Variants in KLF8 observed in about 807,000 individuals in gnomAD.
KLF8 encodes the protein Krueppel-like factor 8.
In KLF8, 10 loss-of-function variants were observed where a neutral mutation model predicts 18.2. The ratio of observed to expected loss-of-function variants is 0.55; its 90% confidence interval spans 0.34 to 0.93. KLF8 has a LOEUF of 0.93. Among genes scored for constraint, KLF8 ranks in the 40% least tolerant of loss-of-function variants. KLF8 has a pLI of 0.02. For missense variants in KLF8, 264 were observed against 277.9 expected (o/e 0.95, Z 0.36); for synonymous variants, 109 against 97.3 (o/e 1.12, Z -0.71).
chrX:56,032,028 G>A, the KLF8 span, among the ~76,000 whole-genome samples: 1 of 111,106 alleles, frequency 9.0e-6, no homozygotes, highest in Admixed American at 9.5e-5. Flanking sequence ...TCGGTTGCTA[G>A]GTCATGGGTT....
the KLF8 span, among the ~76,000 whole-genome samples, chrX:55,979,505 C>T: frequency 8.9e-6 from 1 of 111,848 alleles, no homozygotes; most frequent in Non-Finnish European, 1.9e-5. Flanking sequence ...GGGAGGATGC[C>T]AAATCACAGA....
chrX:56,189,988 T>G, the KLF8 span, among the ~76,000 whole-genome samples: 1 of 108,219 alleles, frequency 9.2e-6, no homozygotes, highest in Non-Finnish European at 1.9e-5. Context: ...ACCTGCACAT[T>G]GTGCACATGT....
chrX:56,048,378 T>C, the KLF8 span, among the ~76,000 whole-genome samples: 1 of 112,122 alleles, frequency 8.9e-6, no homozygotes, highest in Non-Finnish European at 1.9e-5. Context: ...CTCAGTTTTC[T>C]TCTAGGGTTT....
At position 56,265,470 on chromosome X, in the gene KLF8, G is replaced by A. The variant is rs151194413; in HGVS notation, c.372G>A (p.Thr124=). The change falls in exon 3 of 6, where the codon ACG becomes ACA. Residue 124 remains threonine, a synonymous_variant. Transcript: ENST00000468660. ...QSSPQTLVVS[T]STSDMSTSAN... Reference sequence around the variant, plus strand: ...CTCCCCAGACCCTTGTGGTGTCCACGTCAACATCTGACATGAGCACTTCAG... The same window carrying A: ...CTCCCCAGACCCTTGTGGTGTCCACATCAACATCTGACATGAGCACTTCAG... The A allele has an allele frequency of 1.2e-5, 14 of 1,210,170 alleles. No individual in the cohort carries two copies. The highest frequency in any genetic ancestry group is 1.0e-4 in the African/African-American group (6 of 57,224).
At chrX:56,026,625 G>A in the KLF8 span, among the ~76,000 whole-genome samples, 4 of 111,808 alleles carry the variant, frequency 3.6e-5, no homozygotes, top group Admixed American at 9.5e-5. Context: ...AGGTCGGTAG[G>A]CAGCATGTAA....
At chrX:55,950,723 T>G in the KLF8 span, among the ~76,000 whole-genome samples, 1 of 111,735 alleles carries the variant, frequency 8.9e-6, no homozygotes, top group Non-Finnish European at 1.9e-5. Flanking sequence ...ACTTTGAACC[T>G]CTCTTATGGC....
At chrX:56,083,513 A>G in the KLF8 span, among the ~76,000 whole-genome samples, 1 of 112,207 alleles carries the variant, frequency 8.9e-6, no homozygotes, top group Non-Finnish European at 1.9e-5. Flanking sequence ...TCTCATAGCA[A>G]TAGTAGCAGA....
At chrX:55,947,820 G>A in the KLF8 span, among the ~76,000 whole-genome samples, 4 of 111,414 alleles carry the variant, frequency 3.6e-5, no homozygotes, top group Non-Finnish European at 7.5e-5. Context: ...TATAAGTCAT[G>A]CCCCAATATT....
the KLF8 span, among the ~76,000 whole-genome samples, chrX:56,150,679 C>T: frequency 9.1e-6 from 1 of 110,493 alleles, no homozygotes; most frequent in Non-Finnish European, 1.9e-5. Flanking sequence ...CTCCTGGCTG[C>T]CCTCCTATCC....
At chrX:56,028,925 G>A in the KLF8 span, among the ~76,000 whole-genome samples, 47 of 111,296 alleles carry the variant, frequency 4.2e-4, no homozygotes, top group African/African-American at 1.5e-3. Flanking sequence ...TCCTGTACGG[G>A]CCGATAGTCC....
At chrX:56,191,756 G>A in the KLF8 span, among the ~76,000 whole-genome samples, 1 of 110,955 alleles carries the variant, frequency 9.0e-6, no homozygotes, top group South Asian at 3.8e-4. Context: ...TGCTAAAAAT[G>A]CATTTAATAA....
chrX:56,021,469 C>G, the KLF8 span, among the ~76,000 whole-genome samples: 1 of 111,187 alleles, frequency 9.0e-6, no homozygotes, highest in Non-Finnish European at 1.9e-5. Flanking sequence ...TATGTGCACA[C>G]CCGTTTCTGT....
chrX:56,214,872 C>A, the KLF8 span, among the ~76,000 whole-genome samples: 3 of 112,464 alleles, frequency 2.7e-5, no homozygotes, highest in African/African-American at 6.4e-5. Flanking sequence ...AAACTATTAA[C>A]CACTACCTCA....
the KLF8 span, among the ~76,000 whole-genome samples, chrX:55,955,425 C>A: frequency 2.7e-5 from 3 of 110,638 alleles, no homozygotes; most frequent in Non-Finnish European, 5.7e-5. Context: ...TTTTACTGTA[C>A]GTGTGATGAT....
chrX:55,949,042 T>C, the KLF8 span, among the ~76,000 whole-genome samples: 1 of 112,181 alleles, frequency 8.9e-6, no homozygotes, highest in Non-Finnish European at 1.9e-5. Flanking sequence ...AAATAAATTA[T>C]CTTCTATGAT....
At chrX:56,084,243 C>T in the KLF8 span, among the ~76,000 whole-genome samples, 1 of 110,281 alleles carries the variant, frequency 9.1e-6, no homozygotes, top group Non-Finnish European at 1.9e-5. Context: ...AATGGCCAAG[C>T]GTGGTGGCAC....
At chrX:55,961,249 C>A in the KLF8 span, 1 of 322,431 alleles carries the variant, frequency 3.1e-6, no homozygotes. Context: ...CCAGGATCCC[C>A]ACTGCCTTCC....
the KLF8 span, among the ~76,000 whole-genome samples, chrX:56,151,767 G>T: frequency 9.0e-6 from 1 of 111,022 alleles, no homozygotes; most frequent in Non-Finnish European, 1.9e-5. Flanking sequence ...ATATAAATGT[G>T]AATACAGTGT....
At chrX:55,942,754 A>G in the KLF8 span, among the ~76,000 whole-genome samples, 1 of 111,994 alleles carries the variant, frequency 8.9e-6, no homozygotes, top group Admixed American at 9.5e-5. Context: ...ACATGGAAGA[A>G]GAGCATGTCC....
Sources: gnomAD v4.1 joint callset for allele counts (sites outside exome capture counted in the v4.1 genomes callset) on GRCh38, gnomAD v4.1.1 for gene constraint, MANE v1.5 for transcripts, NCBI Gene and HGNC (gene_info 2026-07-23, HGNC 2026-07-21) for gene names.